The following SYNE1 variants were observed in gnomAD, a reference collection of about 807,000 sequenced individuals.
SYNE1 encodes the protein nesprin-1.
Under a neutral mutation model 1,111.0 loss-of-function variants are expected in SYNE1, and 616 were observed. The ratio of observed to expected loss-of-function variants is 0.55; its 90% CI spans 0.52 to 0.59. The LOEUF is 0.59. Among genes scored for constraint, SYNE1 ranks in the 20% least tolerant of loss-of-function variants. The pLI, the probability that SYNE1 is intolerant of heterozygous loss-of-function variation, is 0.00. For synonymous variants in SYNE1, 3,855 were observed against 3,825.8 expected, an observed-to-expected ratio of 1.01 and a Z score of -0.28; for missense variants, 10,006 against 10,417.0, an observed-to-expected ratio of 0.96 and a Z score of 1.72.
rs544630447 is a variant in SYNE1 at position 152,567,471 on chromosome 6, A to G, written c.68-27450T>C. Among the ~76,000 whole-genome samples, 5 of 152,304 alleles carry G rather than the reference A, an allele frequency of 3.3e-5. No homozygotes were observed. In the East Asian group the frequency reaches 9.6e-4, roughly 29 times the overall value. On this transcript the variant is annotated intron_variant, in intron 3 of 145. Transcript: ENST00000367255. The stretch of plus-strand genomic sequence containing the variant: ...AATTAGCCTATAGTGAAGTATATAT[A>G]ACAGATAATTTGGATGCTTCTATTG...
At chr6:152,576,278 A>G (rs990128021) in intron 3 of SYNE1, among the ~76,000 whole-genome samples, 2 of 152,206 alleles carry the variant, frequency 1.3e-5, no homozygotes, top group Non-Finnish European at 2.9e-5. Context: ...ATAAGGAATT[A>G]CTAGGCATTT....
intron 2 of SYNE1, among the ~76,000 whole-genome samples, chr6:152,632,727 T>A (rs886786875): frequency 6.6e-5 from 10 of 152,238 alleles, no homozygotes; most frequent in Middle Eastern, 3.2e-3. Flanking sequence ...CCTTCTTTCA[T>A]CATCTGTAAA....
At chr6:152,587,261 C>T (rs2128479010) in intron 3 of SYNE1, among the ~76,000 whole-genome samples, 1 of 152,172 alleles carries the variant, frequency 6.6e-6, no homozygotes, top group East Asian at 1.9e-4. Flanking sequence ...CTTTTTGTTG[C>T]TTTTGATAAG....
chr6:152,191,716 C>T (rs547477428), intron 127 of SYNE1, among the ~76,000 whole-genome samples: 6 of 151,896 alleles, frequency 4.0e-5, no homozygotes, highest in African/African-American at 1.2e-4. Context: ...TTTTGTTGAT[C>T]TTTTGTATTG....
At chr6:152,251,929 A>C (rs553563195) in intron 104 of SYNE1, among the ~76,000 whole-genome samples, 1 of 152,222 alleles carries the variant, frequency 6.6e-6, no homozygotes, top group Non-Finnish European at 1.5e-5. Context: ...AAAAAGGAGC[A>C]GGATTCTAGC....
chr6:152,187,591 C>G (rs1292370622), intron 128 of SYNE1, among the ~76,000 whole-genome samples: 1 of 152,152 alleles, frequency 6.6e-6, no homozygotes, highest in Admixed American at 6.5e-5. Flanking sequence ...TCATTTGCTT[C>G]CTCCCATCAA....
chr6:152,584,475 G>C (rs1305353021), intron 3 of SYNE1, among the ~76,000 whole-genome samples: 2 of 152,090 alleles, frequency 1.3e-5, no homozygotes, highest in African/African-American at 4.8e-5. Context: ...ACAGGGCCTT[G>C]CTCTGTCACC....
Position 152,484,871 on chromosome 6 carries a change from T to C in SYNE1, c.1149A>G (p.Ala383=), listed in dbSNP as rs1228484135. Residue 383 remains alanine (A), a synonymous_variant, in exon 13 of 146, where the codon GCA becomes GCG. Transcript: ENST00000367255. ...CTCTATCCCAAGATTGTTTTACCAA[T>C]GCTTGGTCAAGTGACAATTTACCGT... ...HRDGKLSLDQ[A]LVKQSWDRVT... is the part of the protein sequence containing the mutation. The C allele has an allele frequency of 3.1e-6, 5 of 1,613,864 alleles. No homozygotes were observed. In the African/African-American group the frequency reaches 6.7e-5, roughly 22 times the overall value.
chr6:152,539,741 T>G (rs2099260486), intron 4 of SYNE1, among the ~76,000 whole-genome samples: 1 of 152,198 alleles, frequency 6.6e-6, no homozygotes, highest in Non-Finnish European at 1.5e-5. Flanking sequence ...AGAATTGACA[T>G]GAAGTAACTG....
intron 100 of SYNE1, among the ~76,000 whole-genome samples, chr6:152,267,139 CA>C (rs1443893228): frequency 6.6e-6 from 1 of 152,046 alleles, no homozygotes; most frequent in East Asian, 1.9e-4. Flanking sequence ...TTTGGTATTA[CA>C]AATAATATTT....
At chr6:152,215,191 C>A in intron 121 of SYNE1, 131 bp from the exon 122 acceptor site, 1 of 978,606 alleles carries the variant, frequency 1.0e-6, no homozygotes, top group Non-Finnish European at 1.6e-6. Flanking sequence ...ATTTCTAGGC[C>A]ACTTACTTAC....
chr6:152,553,291 G>A (rs2099354070), intron 3 of SYNE1, among the ~76,000 whole-genome samples: 1 of 152,068 alleles, frequency 6.6e-6, no homozygotes. Flanking sequence ...TGCCCATTGG[G>A]GTTTCCAGAA....
At chr6:152,249,386 T>C (rs1588698569) in intron 104 of SYNE1, 124 bp from the exon 105 acceptor site, 3 of 721,302 alleles carry the variant, frequency 4.2e-6, no homozygotes, top group Non-Finnish European at 2.5e-6. Context: ...GGAGAAACAA[T>C]ACTGTGCTAT....
chr6:152,489,893 C>T (rs2098961263), intron 11 of SYNE1, among the ~76,000 whole-genome samples: 1 of 152,074 alleles, frequency 6.6e-6, no homozygotes, highest in African/African-American at 2.4e-5. Context: ...TGGGGTAGAG[C>T]CAAAAATCCG....
chr6:152,467,234 A>C (rs1593290706), intron 16 of SYNE1, among the ~76,000 whole-genome samples: 1 of 152,098 alleles, frequency 6.6e-6, no homozygotes, highest in Non-Finnish European at 1.5e-5. Context: ...AATAACTTTA[A>C]TTGGCTTTAT....
At position 152,381,341 on chromosome 6, in the gene SYNE1, T is replaced by C. The variant is rs796111126; in HGVS notation, c.8674A>G (p.Ile2892Val). Residue 2892 changes from isoleucine to valine, a missense_variant, in exon 56 of 146, where the codon ATT becomes GTT. This residue lies in a region of SYNE1 where 4,955 missense variants were observed against 5,017.2 expected (regional missense o/e 0.99). Transcript: ENST00000367255. ...KIKELIDSRE[I>V]GASRLSRVES... The stretch of plus-strand genomic sequence containing the variant: ...ACTCTGCTGAGACGGCTTGCACCAA[T>C]CTCTCTGGAATCTATCAGCTCCTGT... 3 of 1,613,818 alleles carry C rather than the reference T, an allele frequency of 1.9e-6. No homozygotes were observed. The highest frequency in any genetic ancestry group is 2.5e-6 in the Non-Finnish European group (3 of 1,180,050).
At chr6:152,428,438 G>A (rs970296238) in intron 36 of SYNE1, 46 bp from the exon 37 acceptor site, 15 of 1,604,102 alleles carry the variant, frequency 9.4e-6, no homozygotes, top group African/African-American at 2.7e-5. Flanking sequence ...AGGAGCCAAC[G>A]AGGCCTGCAT....
chr6:152,208,032 A>G lies in SYNE1; in HGVS notation c.22764T>C (p.Ser7588=), dbSNP rs2153408930. 1.9e-6 allele frequency: 3 copies of G among 1,614,058 alleles called. No homozygotes were observed. The highest frequency in any genetic ancestry group is 1.1e-5 in the South Asian group (1 of 91,080). ...GTGGTATAGGAACACTTCCGAGACC[A>G]CTCATGGGGAGGTAGGACACTTCAA... ...WLVEVSYLPM[S]GLGSVPIPLQ... is the part of the protein sequence containing the mutation. Residue 7588 remains serine (S), a synonymous_variant, in exon 125 of 146, where the codon AGT becomes AGC. Transcript: ENST00000367255.
chr6:152,149,390 G>C (rs2060037553), intron 136 of SYNE1, 87 bp downstream of exon 136: 2 of 1,514,938 alleles, frequency 1.3e-6, no homozygotes, highest in Admixed American at 3.4e-5. Flanking sequence ...CAGAGTCTGA[G>C]CTCTCACCCA....
Sources: allele counts gnomAD v4.1 joint callset (sites outside exome capture counted in the v4.1 genomes callset), GRCh38; gene constraint gnomAD v4.1.1; regional missense constraint gnomAD v4.1.1; transcripts MANE v1.5; gene names NCBI Gene and HGNC (gene_info 2026-07-23, HGNC 2026-07-21).